Variants in HCRTR2 observed in about 807,000 individuals in gnomAD.
HCRTR2 encodes the protein orexin receptor type 2.
A neutral mutation model predicts 49.0 loss-of-function variants in HCRTR2; 22 were observed. The observed-to-expected ratio is 0.45, with a 90% CI of 0.32 to 0.64. The LOEUF (loss-of-function observed/expected upper bound fraction) is 0.64. Among genes scored for constraint, HCRTR2 ranks in the 30% least tolerant of loss-of-function variants. HCRTR2 has a pLI of 0.04. For synonymous variants in HCRTR2, 236 were observed against 205.3 expected (o/e 1.15, Z -1.28); for missense variants, 491 against 559.4 (o/e 0.88, Z 1.23).
intron 1 of HCRTR2, among the ~76,000 whole-genome samples, chr6:55,157,143 C>A (rs946438852): frequency 4.6e-5 from 7 of 152,142 alleles, no homozygotes; most frequent in Non-Finnish European, 7.3e-5. Flanking sequence ...TACACACTCA[C>A]AACTACCAGA....
intron 4 of HCRTR2, among the ~76,000 whole-genome samples, chr6:55,272,280 C>T (rs1227077023): frequency 6.6e-6 from 1 of 152,050 alleles, no homozygotes; most frequent in Non-Finnish European, 1.5e-5. Context: ...TTACATAATT[C>T]TATTTGCATG....
chr6:55,278,647 G>T (rs1296286121), intron 5 of HCRTR2, among the ~76,000 whole-genome samples: 2 of 151,352 alleles, frequency 1.3e-5, no homozygotes, highest in African/African-American at 4.9e-5. Flanking sequence ...TTGTGGCCTG[G>T]GTCCTTGAGA....
At chr6:55,197,380 C>T (rs1177916211) in intron 1 of HCRTR2, among the ~76,000 whole-genome samples, 1 of 152,134 alleles carries the variant, frequency 6.6e-6, no homozygotes, top group Non-Finnish European at 1.5e-5. Flanking sequence ...CTGACTCTGA[C>T]TCTAAACATA....
intron 1 of HCRTR2, among the ~76,000 whole-genome samples, chr6:55,124,093 G>C (rs1437294344): frequency 6.6e-6 from 1 of 151,992 alleles, no homozygotes; most frequent in African/African-American, 2.4e-5. Context: ...TTTTTGAAGG[G>C]TTTTTTGTGT....
At chr6:55,135,013 C>T (rs1764414009) in intron 1 of HCRTR2, among the ~76,000 whole-genome samples, 1 of 151,938 alleles carries the variant, frequency 6.6e-6, no homozygotes, top group Non-Finnish European at 1.5e-5. Context: ...ACCAAGTCTT[C>T]TATTTACTTC....
intron 1 of HCRTR2, among the ~76,000 whole-genome samples, chr6:55,241,204 T>C (rs1766325950): frequency 1.4e-5 from 2 of 147,010 alleles, no homozygotes; most frequent in Admixed American, 1.4e-4. Context: ...TTCCCACCTA[T>C]GAGTGAGAAT....
intron 4 of HCRTR2, among the ~76,000 whole-genome samples, chr6:55,272,597 C>CT (rs35741450): frequency 0.28 from 41,075 of 144,778 alleles, 6,356 homozygotes; most frequent in East Asian, 0.64. Flanking sequence ...AAATTGAAGA[C>CT]TTTTTTTTTT....
intron 3 of HCRTR2, among the ~76,000 whole-genome samples, chr6:55,259,513 A>G (rs1320195906): frequency 6.6e-6 from 1 of 152,010 alleles, no homozygotes; most frequent in Non-Finnish European, 1.5e-5. Context: ...TAGTTTCTAG[A>G]TAATTAAGAT....
At chr6:55,245,503 A>ATATATATATATC (rs1402605395) in intron 1 of HCRTR2, among the ~76,000 whole-genome samples, 64 of 124,518 alleles carry the variant, frequency 5.1e-4, no homozygotes, top group Non-Finnish European at 6.5e-4. Flanking sequence ...ATATATATAT[A>ATATATATATATC]TATCTTCCCC....
intron 1 of HCRTR2, among the ~76,000 whole-genome samples, chr6:55,128,714 A>G (rs1045267770): frequency 6.6e-6 from 1 of 152,106 alleles, no homozygotes; most frequent in South Asian, 2.1e-4. Flanking sequence ...CAGAATATCC[A>G]TGTAGTTTAG....
chr6:55,192,754 C>T (rs893144349), intron 1 of HCRTR2, among the ~76,000 whole-genome samples: 2 of 152,188 alleles, frequency 1.3e-5, no homozygotes, highest in Admixed American at 6.5e-5. Flanking sequence ...CTCTAAGAAT[C>T]ATGTTAATCT....
upstream of HCRTR2, among the ~76,000 whole-genome samples, chr6:55,170,001 G>A (rs558795119): frequency 6.6e-6 from 1 of 151,016 alleles, no homozygotes; most frequent in East Asian, 1.9e-4. Flanking sequence ...ATATAATCTG[G>A]GACAGCCCAT....
rs529194061 is a variant in HCRTR2, at chr6:55,177,851, G to A, written c.223+3041G>A. ...AGATGGAAAGCAGTTTCCTGGGGGA[G>A]TAAAGTTTTAAATAGAATGTTATGA... On this transcript the variant is annotated intron_variant, in intron 1 of 6. Coordinates refer to ENST00000370862, the MANE Select transcript of HCRTR2 (RefSeq NM_001384272.1). Among the ~76,000 whole-genome samples, 8 of 152,222 alleles carry A rather than the reference G, an allele frequency of 5.3e-5. No individual in the cohort carries two copies. In the South Asian group the frequency reaches 1.7e-3, roughly 32 times the overall value.
intron 1 of HCRTR2, among the ~76,000 whole-genome samples, chr6:55,139,214 G>T (rs540289082): frequency 6.6e-6 from 1 of 152,184 alleles, no homozygotes; most frequent in African/African-American, 2.4e-5. Context: ...GAAAATTGTG[G>T]ATTCACCTTT....
intron 1 of HCRTR2, among the ~76,000 whole-genome samples, chr6:55,198,357 C>T (rs2127282520): frequency 6.6e-6 from 1 of 152,224 alleles, no homozygotes; most frequent in Middle Eastern, 3.4e-3. Flanking sequence ...AACCTAACCC[C>T]AACTTTAACT....
chr6:55,232,832 G>T (rs564744814), intron 1 of HCRTR2, among the ~76,000 whole-genome samples: 1 of 152,208 alleles, frequency 6.6e-6, no homozygotes, highest in African/African-American at 2.4e-5. Context: ...TAAATAACTT[G>T]ACTAAACAAG....
chr6:55,163,931 G>A (rs1764841189), intron 1 of HCRTR2, among the ~76,000 whole-genome samples: 1 of 151,748 alleles, frequency 6.6e-6, no homozygotes, highest in Non-Finnish European at 1.5e-5. Flanking sequence ...AAATTTACAA[G>A]AAAAAAACAA....
chr6:55,260,710 C>A (rs1054047532), intron 3 of HCRTR2, among the ~76,000 whole-genome samples: 1 of 152,162 alleles, frequency 6.6e-6, no homozygotes, highest in Non-Finnish European at 1.5e-5. Context: ...TCAACTGCAT[C>A]TGAAAGACAG....
intron 1 of HCRTR2, among the ~76,000 whole-genome samples, chr6:55,146,685 G>A (rs933939624): frequency 4.0e-5 from 6 of 151,730 alleles, no homozygotes; most frequent in African/African-American, 1.5e-4. Context: ...ATTCTGCCTA[G>A]GGATTTTGTT....
Sources: gnomAD v4.1 joint callset for allele counts (sites outside exome capture counted in the v4.1 genomes callset) on GRCh38, gnomAD v4.1.1 for gene constraint, MANE v1.5 for transcripts, NCBI Gene and HGNC (gene_info 2026-07-23, HGNC 2026-07-21) for gene names.